CALD1: variants seen among roughly 807,000 people sequenced by gnomAD.
CALD1 encodes caldesmon 1.
CALD1 carries 33 observed loss-of-function variants against 99.9 expected under a neutral mutation model. The ratio of observed to expected loss-of-function variants is 0.33; its 90% CI spans 0.25 to 0.44. CALD1 has a LOEUF of 0.44. CALD1 is among the 20% of genes least tolerant of loss of function. CALD1 has a pLI of 1.00. For missense variants in CALD1, 861 were observed against 962.1 expected (o/e 0.89, Z 1.39); for synonymous variants, 310 against 325.0 (o/e 0.95, Z 0.50).
intron 1 of CALD1, among the ~76,000 whole-genome samples, chr7:134,763,851 G>A (rs1240730090): frequency 2.0e-5 from 3 of 149,464 alleles, no homozygotes. Context: ...CCAGGAGGCA[G>A]AGTTTGCAGT....
At chr7:134,736,462 G>A in the CALD1 span, among the ~76,000 whole-genome samples, 4 of 152,002 alleles carry the variant, frequency 2.6e-5, no homozygotes, top group South Asian at 8.3e-4. Flanking sequence ...TGCAAAATGG[G>A]GCTTCTCAGC....
At chr7:134,811,944 A>G (rs1798367805) in intron 1 of CALD1, among the ~76,000 whole-genome samples, 1 of 152,202 alleles carries the variant, frequency 6.6e-6, no homozygotes, top group Admixed American at 6.5e-5. Context: ...TGAAGAAAGC[A>G]GTGCCAAAAG....
rs1247942223 is a variant in CALD1, at chr7:134,968,558, C to A, written c.*213C>A. 1 of 702,758 alleles carries A rather than the reference C, an allele frequency of 1.4e-6. No individual in the cohort carries two copies. The highest frequency in any genetic ancestry group is 2.6e-6 in the Non-Finnish European group (1 of 382,832). The allele number at this position is 702,758 out of a possible 1,614,324, so 43.5% of individuals were successfully genotyped here. A position where few individuals can be genotyped will look rare whatever the true frequency, so the allele number is the denominator to read the frequency against. On this transcript the variant is annotated 3_prime_UTR_variant, in exon 15 of 15. Coordinates refer to ENST00000361675, the MANE Select transcript of CALD1 (RefSeq NM_033138.4). ...AAAAGTACTGCCTTTGCACAGGAGC[C>A]TGTTTCTAAAGAAACCCATGCTGTG...
chr7:134,841,774 T>C (rs10255828), intron 1 of CALD1, among the ~76,000 whole-genome samples: 33,376 of 152,058 alleles, frequency 0.22, 4,498 homozygotes, highest in African/African-American at 0.38. Context: ...TCTTTCAGCA[T>C]TGTGTACTCT....
chr7:134,936,928 T>C (rs574449637), intron 6 of CALD1, among the ~76,000 whole-genome samples: 1 of 152,238 alleles, frequency 6.6e-6, no homozygotes, highest in East Asian at 1.9e-4. Context: ...AGGAAATCAT[T>C]CATTGAACAT....
chr7:134,898,888 G>A (rs930567640), intron 3 of CALD1, among the ~76,000 whole-genome samples: 9 of 152,170 alleles, frequency 5.9e-5, no homozygotes, highest in Non-Finnish European at 2.9e-5. Flanking sequence ...GAAGCAACTA[G>A]GTGGTTGTTG....
intron 1 of CALD1, among the ~76,000 whole-genome samples, chr7:134,753,010 G>GA (rs11312378): frequency 3.9e-4 from 39 of 98,970 alleles, no homozygotes; most frequent in Non-Finnish European, 6.2e-4. Context: ...ACTCTGTATC[G>GA]AAAAAAAAAA....
chr7:134,821,741 C>G (rs1176664268), intron 1 of CALD1, among the ~76,000 whole-genome samples: 1 of 151,814 alleles, frequency 6.6e-6, no homozygotes, highest in African/African-American at 2.4e-5. Context: ...CACCACCACA[C>G]CTGGCTAATT....
chr7:134,722,381 T>A, the CALD1 span, among the ~76,000 whole-genome samples: 53 of 151,996 alleles, frequency 3.5e-4, no homozygotes, highest in African/African-American at 1.2e-3. Flanking sequence ...CATTCTGCAG[T>A]AGTTCGATTT....
chr7:134,841,936 G>T (rs891018536), intron 1 of CALD1, among the ~76,000 whole-genome samples: 2 of 152,064 alleles, frequency 1.3e-5, no homozygotes, highest in Non-Finnish European at 2.9e-5. Context: ...TACATGGGGG[G>T]GCTTCTTCCT....
chr7:134,853,693 A>G (rs1230414734), intron 2 of CALD1, among the ~76,000 whole-genome samples: 1 of 152,170 alleles, frequency 6.6e-6, no homozygotes, highest in Non-Finnish European at 1.5e-5. Context: ...TTTCATAAAC[A>G]TTTATTGAAT....
At chr7:134,801,795 T>C (rs932363132) in intron 1 of CALD1, among the ~76,000 whole-genome samples, 7 of 72,954 alleles carry the variant, frequency 9.6e-5, no homozygotes, top group Non-Finnish European at 2.1e-4. Flanking sequence ...ATTCGTGTAT[T>C]TTTTTAAAAG....
rs747609153 is a variant in CALD1 at position 134,933,562 on chromosome 7, G to T, written c.793G>T (p.Ala265Ser). Residue 265 changes from alanine (A) to serine (S), a missense_variant, in exon 5 of 15, where the codon GCT becomes TCT. Physicochemically the swap from Ala to Ser is moderately conservative, Grantham distance 99 (BLOSUM62 1). Transcript: ENST00000361675. ...EKMEEEDKERAEAERARLEAE... is the reference protein window; with the variant it reads ...EKMEEEDKERSEAERARLEAE... ...GATGGAAGAGGAAGACAAGGAAAGA[G>T]CTGAGGCAGAGAGGGCAAGGTTGGA... 1.2e-6 allele frequency: 2 copies of T among 1,613,690 alleles called. No individual in the cohort carries two copies. Among genetic ancestry groups the T allele is most frequent in the Non-Finnish European group, 1.7e-6 (2 of 1,179,816 alleles).
chr7:134,853,858 A>AAT (rs1800182302), intron 2 of CALD1, among the ~76,000 whole-genome samples: 1 of 68,510 alleles, frequency 1.5e-5, no homozygotes, highest in African/African-American at 6.4e-5. Context: ...TCCCTCCCGT[A>AAT]GCCCCCCACC....
intron 1 of CALD1, among the ~76,000 whole-genome samples, chr7:134,839,619 T>A (rs1201950279): frequency 6.6e-6 from 1 of 152,258 alleles, no homozygotes; most frequent in Admixed American, 6.5e-5. Context: ...TAGTTCATCA[T>A]AAGTTTCAAT....
intron 1 of CALD1, among the ~76,000 whole-genome samples, chr7:134,805,463 A>G (rs925213292): frequency 1.3e-5 from 2 of 152,038 alleles, no homozygotes; most frequent in South Asian, 4.2e-4. Flanking sequence ...ATCCTCTTTC[A>G]TAGATACAGT....
intron 1 of CALD1, among the ~76,000 whole-genome samples, chr7:134,820,194 G>GGGT (rs1292301191): frequency 6.6e-6 from 1 of 152,174 alleles, no homozygotes; most frequent in Non-Finnish European, 1.5e-5. Context: ...ATAATGATGA[G>GGGT]GGTGGTCTGT....
At chr7:134,954,604 G>C (rs1371988418) in intron 9 of CALD1, among the ~76,000 whole-genome samples, 1 of 152,116 alleles carries the variant, frequency 6.6e-6, no homozygotes, top group Non-Finnish European at 1.5e-5. Flanking sequence ...AGCAAAAGGA[G>C]GAGTAGGAAT....
Position 134,896,994 on chromosome 7 carries a change from G to C in CALD1, c.71+29190G>C, listed in dbSNP as rs1356261954. On this transcript the variant is annotated intron_variant, in intron 3 of 14. Transcript: ENST00000361675. Reference sequence around the variant, plus strand: ...CCCGACTACCATGTGTCATGCTGTTGAAAGTTTCAAAAGCCAATTTACAAT... The same window carrying C: ...CCCGACTACCATGTGTCATGCTGTTCAAAGTTTCAAAAGCCAATTTACAAT... Among the ~76,000 whole-genome samples, 4 of 152,300 alleles carry C rather than the reference G, an allele frequency of 2.6e-5. No homozygotes were observed. The East Asian group carries it at 7.7e-4, about 29-fold the overall frequency.
Sources: allele counts gnomAD v4.1 joint callset (sites outside exome capture counted in the v4.1 genomes callset), GRCh38; gene constraint gnomAD v4.1.1; transcripts MANE v1.5; gene names NCBI Gene and HGNC (gene_info 2026-07-23, HGNC 2026-07-21).